ILRUN: variants seen among roughly 807,000 people sequenced by gnomAD.
ILRUN encodes the protein inflammation and lipid regulator with UBA-like and NBR1-like domains, also known as protein ILRUN.
A neutral mutation model predicts 33.8 loss-of-function variants in ILRUN; 3 were observed. The observed-to-expected ratio is 0.09, with a 90% confidence interval of 0.04 to 0.23. ILRUN has a LOEUF of 0.23. Among genes scored for constraint, ILRUN ranks in the 10% least tolerant of loss-of-function variants. The pLI, the probability that ILRUN is intolerant of heterozygous loss-of-function variation, is 1.00. For missense variants in ILRUN, 210 were observed against 375.1 expected (o/e 0.56, Z 3.64); for synonymous variants, 124 against 138.9 (o/e 0.89, Z 0.75).
intron 3 of ILRUN, among the ~76,000 whole-genome samples, chr6:34,625,165 CT>C (rs1221285193): frequency 2.0e-5 from 3 of 152,198 alleles, no homozygotes; most frequent in African/African-American, 7.2e-5. Context: ...AATGTTTCTT[CT>C]TTTTCCCTCC....
At chr6:34,601,077 T>C (rs913572213) in intron 4 of ILRUN, among the ~76,000 whole-genome samples, 4 of 152,212 alleles carry the variant, frequency 2.6e-5, no homozygotes, top group African/African-American at 4.8e-5. Context: ...TGTCAAGCAC[T>C]GAGCCTATTG....
At chr6:34,644,988 T>G (rs1040178793) in intron 3 of ILRUN, among the ~76,000 whole-genome samples, 3 of 152,202 alleles carry the variant, frequency 2.0e-5, no homozygotes, top group African/African-American at 7.2e-5. Context: ...TTATATCCTG[T>G]GCCAAGGAGT....
intron 2 of ILRUN, among the ~76,000 whole-genome samples, chr6:34,649,423 GAAGAA>G (rs1762618526): frequency 6.6e-6 from 1 of 152,154 alleles, no homozygotes; most frequent in Non-Finnish European, 1.5e-5. Context: ...TTTCTATCTA[GAAGAA>G]AAGAAAGACT....
chr6:34,680,669 T>C (rs1467169652), intron 1 of ILRUN, among the ~76,000 whole-genome samples: 2 of 152,134 alleles, frequency 1.3e-5, no homozygotes, highest in Non-Finnish European at 2.9e-5. Context: ...GCCAGGCTGG[T>C]CTCGAACTCC....
chr6:34,651,747 A>AT (rs1491018526), intron 2 of ILRUN, among the ~76,000 whole-genome samples: 2 of 139,952 alleles, frequency 1.4e-5, no homozygotes, highest in South Asian at 2.2e-4. Context: ...AAAAAAAAAA[A>AT]ATTATATATA....
intron 3 of ILRUN, among the ~76,000 whole-genome samples, chr6:34,640,242 A>C (rs1383200070): frequency 6.6e-6 from 1 of 152,064 alleles, no homozygotes; most frequent in East Asian, 1.9e-4. Flanking sequence ...CCACACAGTG[A>C]AGAAGTGTCC....
In ILRUN at chr6:34,606,556, T is replaced by C; in HGVS notation, c.860A>G (p.Lys287Arg). 6.2e-7 allele frequency: 1 copy of C among 1,612,166 alleles called. No individual in the cohort carries two copies. Among genetic ancestry groups the C allele is most frequent in the Non-Finnish European group, 8.5e-7 (1 of 1,178,756 alleles). The stretch of plus-strand genomic sequence containing the variant: ...CTTCTCTTCTCCAAGGGCACCTACC[T>C]TACTGTAAGTCACTACTGATAAGTT... The part of the protein sequence containing the change: ...ANNLSVVTYS[K>R]GLHGPYPFGQ... The change falls in exon 4 of 5, where the codon AAG becomes AGG. Residue 287 changes from lysine to arginine, a missense_variant and splice_region_variant. Lys to Arg is a conservative substitution (Grantham distance 26). Transcript: ENST00000374023.
chr6:34,690,710 A>AGT (rs1273871582), intron 1 of ILRUN, among the ~76,000 whole-genome samples: 1 of 152,218 alleles, frequency 6.6e-6, no homozygotes, highest in African/African-American at 2.4e-5. Flanking sequence ...CTCTTAACAG[A>AGT]GTGTTTATTA....
chr6:34,651,863 G>A (rs1438295256), intron 2 of ILRUN, among the ~76,000 whole-genome samples: 1 of 148,098 alleles, frequency 6.8e-6, no homozygotes, highest in African/African-American at 2.5e-5. Flanking sequence ...CGCGATCTTG[G>A]CTCACTACAA....
intron 3 of ILRUN, among the ~76,000 whole-genome samples, chr6:34,627,703 C>CCT (rs1762165809): frequency 7.4e-6 from 1 of 134,396 alleles, no homozygotes; most frequent in Non-Finnish European, 1.6e-5. Flanking sequence ...GGTCTTTGGC[C>CCT]CTTTTTTTTT....
At chr6:34,630,651 G>C (rs1762227487) in intron 3 of ILRUN, among the ~76,000 whole-genome samples, 1 of 152,158 alleles carries the variant, frequency 6.6e-6, no homozygotes, top group Admixed American at 6.5e-5. Flanking sequence ...CAAAGTGCTG[G>C]GATTATGGCG....
At position 34,592,978 on chromosome 6, in the gene ILRUN, C is replaced by T. The variant is rs1561993865; in HGVS notation, c.862-2378G>A. On this transcript the variant is annotated intron_variant, in intron 4 of 4. Coordinates refer to ENST00000374023, the MANE Select transcript of ILRUN (RefSeq NM_024294.4). This position sits in a 1 kb window ranked among gnomAD's most constrained non-coding sequence, Gnocchi z 4.0. The stretch of plus-strand genomic sequence containing the variant: ...TGCTTGAGGTGAGGAGTTAGGAGAT[C>T]AGTATGGGTAACACAGTGTGACTCC... Among the ~76,000 whole-genome samples the T allele has an allele frequency of 6.6e-6, 1 of 152,018 alleles. No homozygotes were observed. The highest frequency in any genetic ancestry group is 1.5e-5 in the Non-Finnish European group (1 of 68,006).
intron 1 of ILRUN, among the ~76,000 whole-genome samples, chr6:34,678,398 A>C (rs541506841): frequency 1.2e-3 from 186 of 152,232 alleles, no homozygotes; most frequent in African/African-American, 4.3e-3. Flanking sequence ...AAACATGTGC[A>C]GGTTTGTTAC....
In ILRUN at chr6:34,639,276, T is replaced by C. The variant is rs149885003; in HGVS notation, c.511+7325A>G. Among the ~76,000 whole-genome samples the C allele has an allele frequency of 2.7e-3, 413 of 152,320 alleles. 1 individual carries two copies. Among genetic ancestry groups the C allele is most frequent in the African/African-American group, 8.7e-3 (363 of 41,562 alleles). On this transcript the variant is annotated intron_variant, in intron 3 of 4. Coordinates refer to ENST00000374023, the MANE Select transcript of ILRUN (RefSeq NM_024294.4). ...TATGTCAAATGTCCCTAGGGACCCA[T>C]ATGAGGTATTTAACAAGAACTACTT...
At chr6:34,687,957 A>C (rs2127389448) in intron 1 of ILRUN, among the ~76,000 whole-genome samples, 1 of 152,246 alleles carries the variant, frequency 6.6e-6, no homozygotes, top group South Asian at 2.1e-4. Flanking sequence ...AAAGGTACTC[A>C]AACAAATACA....
Position 34,646,545 on chromosome 6 carries a change from T to C in ILRUN, c.511+56A>G. 4 of 1,545,052 alleles carry C rather than the reference T, an allele frequency of 2.6e-6. No individual in the cohort carries two copies. In the South Asian group the frequency reaches 4.5e-5, roughly 17 times the overall value. On this transcript the variant is annotated intron_variant, in intron 3 of 4. Coordinates refer to ENST00000374023, the MANE Select transcript of ILRUN (RefSeq NM_024294.4). The surrounding 1 kb of genome is among the most constrained non-coding windows in gnomAD (Gnocchi z 4.9). ...CAGGCTCTGTGAGCAACACTGGGGA[T>C]GTTATAAGATGTTACCTTAGTTCCT...
chr6:34,611,953 G>C (rs1176362498), intron 3 of ILRUN, among the ~76,000 whole-genome samples: 1 of 152,154 alleles, frequency 6.6e-6, no homozygotes, highest in Non-Finnish European at 1.5e-5. Context: ...TTTACCCACA[G>C]GTCTTTGGCA....
At chr6:34,593,923 TA>T (rs1218417312) in intron 4 of ILRUN, among the ~76,000 whole-genome samples, 2 of 151,962 alleles carry the variant, frequency 1.3e-5, no homozygotes, top group Admixed American at 6.6e-5. Context: ...CCTATGGCAG[TA>T]GGCCAAGCAG....
At chr6:34,643,207 G>A (rs970634735) in intron 3 of ILRUN, among the ~76,000 whole-genome samples, 12 of 151,782 alleles carry the variant, frequency 7.9e-5, no homozygotes, top group Admixed American at 3.3e-4. Context: ...GCTGAGGCAG[G>A]ACAATCACTT....
Sources: allele counts gnomAD v4.1 joint callset (sites outside exome capture counted in the v4.1 genomes callset), GRCh38; gene constraint gnomAD v4.1.1; non-coding constraint Gnocchi (gnomAD v3.1); transcripts MANE v1.5; gene names NCBI Gene and HGNC (gene_info 2026-07-23, HGNC 2026-07-21).